Variants in RGS3 observed in about 807,000 individuals in gnomAD.
RGS3 encodes regulator of G-protein signalling 3.
In RGS3, 80 loss-of-function variants were observed where a neutral mutation model predicts 132.6. That is an observed-to-expected ratio of 0.60 (90% CI 0.50 to 0.73). The LOEUF (loss-of-function observed/expected upper bound fraction) is 0.73. Ranked by LOEUF, RGS3 falls within the 30% of genes least tolerant of loss-of-function variation. The pLI is 0.00. For synonymous variants in RGS3, 598 were observed against 620.6 expected, an observed-to-expected ratio of 0.96 and a Z score of 0.54; for missense variants, 1,382 against 1,530.8, an observed-to-expected ratio of 0.90 and a Z score of 1.62.
chr9:113,591,298 G>A lies in RGS3; in HGVS notation c.3016-35G>A, dbSNP rs779768463. The stretch of plus-strand genomic sequence containing the variant: ...TTTACTTAGGCAGGAGTTCCTGGGT[G>A]CCCAGACTGCATCGTGTCTGTCTTC... On this transcript the variant is annotated intron_variant, in intron 20 of 24. Transcript: ENST00000350696. The surrounding 1 kb of genome is among the most constrained non-coding windows in gnomAD (Gnocchi z 4.4). 4 of 1,600,426 alleles carry A rather than the reference G, an allele frequency of 2.5e-6. No individual in the cohort carries two copies. The South Asian group carries it at 4.4e-5, about 18-fold the overall frequency.
At position 113,557,086 on chromosome 9, in the gene RGS3, AC is replaced by A. The variant is rs1833598335; in HGVS notation, c.2037+20169del. ...TTACAGTGCCTAATGTGTGTCAAAC[AC>A]TGTGCTAAGTACTGTTGATGCAGTA... On this transcript the variant is annotated intron_variant, in intron 19 of 24. Coordinates refer to ENST00000350696, the Ensembl canonical transcript of RGS3. Among the ~76,000 whole-genome samples the A allele has an allele frequency of 2.6e-5, 4 of 152,336 alleles. No homozygotes were observed. The South Asian group carries it at 8.3e-4, about 32-fold the overall frequency.
At chr9:113,583,681 G>C (rs4391498) in exon 20 of RGS3, 2 of 1,614,098 alleles carry the variant, frequency 1.2e-6, no homozygotes, top group East Asian at 4.5e-5. Flanking sequence ...TCCAGGCCCA[G>C]ATGCTCCGCC....
chr9:113,584,037 C>T (rs778663371), exon 20 of RGS3: 3 of 1,614,056 alleles, frequency 1.9e-6, no homozygotes. Context: ...AGCAGGGCTG[C>T]TCGGGAGATG....
At chr9:113,567,885 G>T (rs1834082911) in intron 19 of RGS3, among the ~76,000 whole-genome samples, 2 of 152,210 alleles carry the variant, frequency 1.3e-5, no homozygotes, top group Non-Finnish European at 2.9e-5. Context: ...GGTCTGTGTG[G>T]CTCCCTCAGA....
At position 113,484,244 on chromosome 9, in the gene RGS3, G is replaced by A. The variant is rs373389480; in HGVS notation, c.620+12G>A. The A allele has an allele frequency of 4.2e-5, 63 of 1,510,838 alleles. No individual in the cohort carries two copies. Among genetic ancestry groups the A allele is most frequent in the Admixed American group, 3.8e-4 (22 of 58,530 alleles). The allele number at this position is 1,510,838 out of a possible 1,614,324, so 93.6% of individuals were successfully genotyped here. ...GAGCACTTCTTCTTGTAAGAGTCTGGTGCAGCTGGGCCCTAGAAAGGAGAG... is the reference window on the plus strand; with the variant it reads ...GAGCACTTCTTCTTGTAAGAGTCTGATGCAGCTGGGCCCTAGAAAGGAGAG... On this transcript the variant is annotated intron_variant, in intron 6 of 24. Coordinates refer to ENST00000350696, the Ensembl canonical transcript of RGS3.
intron 22 of RGS3, 90 bp from the exon 21 acceptor site, chr9:113,594,829 G>C: frequency 7.9e-7 from 1 of 1,258,964 alleles, no homozygotes; most frequent in Non-Finnish European, 1.2e-6. Flanking sequence ...ACTGGGCCCA[G>C]GGCAGTAAAC....
intron 15 of RGS3, 24 bp downstream of exon 13, chr9:113,514,678 G>T: frequency 6.2e-7 from 1 of 1,609,582 alleles, no homozygotes; most frequent in South Asian, 1.1e-5. Flanking sequence ...TGGTCTTAAA[G>T]GTTCCCTCAG....
chr9:113,597,038 G>C, exon 25 of RGS3: 1 of 1,227,662 alleles, frequency 8.1e-7, no homozygotes, highest in Non-Finnish European at 1.1e-6. Flanking sequence ...TGACGGAGGG[G>C]GCAAGCAAGC....
chr9:113,595,358 G>T lies in RGS3; in HGVS notation c.3245-241G>T. The T allele has an allele frequency of 5.3e-6, 3 of 563,166 alleles. No homozygotes were observed. The South Asian group carries it at 7.3e-5, about 14-fold the overall frequency. The allele number at this position is 563,166 out of a possible 1,614,324, so 34.9% of individuals were successfully genotyped here. A position where few individuals can be genotyped will look rare whatever the true frequency, so the allele number is the denominator to read the frequency against. On this transcript the variant is annotated intron_variant, in intron 23 of 24. Coordinates refer to ENST00000350696, the Ensembl canonical transcript of RGS3. ...TCCCAGGGCTCCGGGAGACAGAATC[G>T]ATAGTCCCCATTTCACAGATGAAGA...
intron 14 of RGS3, among the ~76,000 whole-genome samples, chr9:113,512,392 C>G (rs1353421712): frequency 1.3e-5 from 2 of 152,214 alleles, no homozygotes; most frequent in Non-Finnish European, 2.9e-5. Flanking sequence ...TTCTACTCCT[C>G]TCTCCGTGAC....
chr9:113,564,280 A>G (rs971156481), intron 19 of RGS3, among the ~76,000 whole-genome samples: 10 of 152,172 alleles, frequency 6.6e-5, no homozygotes, highest in Non-Finnish European at 1.2e-4. Flanking sequence ...TTCATCTGTA[A>G]CTGGGGTAAT....
chr9:113,496,488 GGGGT>G (rs1350312987), intron 8 of RGS3, among the ~76,000 whole-genome samples: 1 of 152,158 alleles, frequency 6.6e-6, no homozygotes, highest in Non-Finnish European at 1.5e-5. Flanking sequence ...TTTTTGTCCT[GGGGT>G]GGGTGGCTGA....
At chr9:113,583,407 G>A (rs1250119685) in intron 19 of RGS3, 43 bp from the exon 18 acceptor site, 4 of 1,600,792 alleles carry the variant, frequency 2.5e-6, no homozygotes, top group Admixed American at 1.7e-5. Context: ...GCATCTTGGA[G>A]CCTCCTCTTC....
chr9:113,536,956 GT>G, intron 19 of RGS3, 38 bp downstream of exon 17: 1 of 1,596,586 alleles, frequency 6.3e-7, no homozygotes. Flanking sequence ...TGGCTGCCTC[GT>G]TTCCCCTCAG....
At chr9:113,503,721 T>C (rs1471047762) in intron 10 of RGS3, among the ~76,000 whole-genome samples, 1 of 152,090 alleles carries the variant, frequency 6.6e-6, no homozygotes, top group Admixed American at 6.5e-5. Context: ...AAGTGCTGGA[T>C]AGGCTTTGGG....
intron 21 of RGS3, chr9:113,593,785 G>A (rs2119051071): frequency 1.2e-6 from 1 of 839,430 alleles, no homozygotes; most frequent in Admixed American, 2.5e-5. Context: ...GACCGGCAAG[G>A]CTAAAAATGG....
chr9:113,447,323 G>GTGTATATATATATA (rs1829126189), intron 1 of RGS3, among the ~76,000 whole-genome samples: 4 of 29,414 alleles, frequency 1.4e-4, no homozygotes, highest in Admixed American at 6.3e-4. Context: ...TCTGATGTAT[G>GTGTATATATATATA]TATATGTATA....
chr9:113,583,959 C>T, exon 20 of RGS3: 2 of 1,614,094 alleles, frequency 1.2e-6, no homozygotes, highest in Non-Finnish European at 1.7e-6. Context: ...CACCTGCGGC[C>T]CCCAGGCCAG....
At chr9:113,510,154 C>T (rs188513616) in intron 14 of RGS3, among the ~76,000 whole-genome samples, 2 of 152,166 alleles carry the variant, frequency 1.3e-5, no homozygotes, top group Admixed American at 1.3e-4. Flanking sequence ...GTCCTCATAG[C>T]TTAGCTCCCA....
Sources: allele counts gnomAD v4.1 joint callset (sites outside exome capture counted in the v4.1 genomes callset), GRCh38; gene constraint gnomAD v4.1.1; non-coding constraint Gnocchi (gnomAD v3.1); transcripts MANE v1.5; gene names NCBI Gene and HGNC (gene_info 2026-07-23, HGNC 2026-07-21).